Variants in SF3A2 observed in about 807,000 individuals in gnomAD.
SF3A2 encodes splicing factor 3a subunit 2.
A neutral mutation model predicts 31.1 loss-of-function variants in SF3A2; 5 were observed. The observed-to-expected ratio is 0.16, with a 90% CI of 0.08 to 0.34. The LOEUF (loss-of-function observed/expected upper bound fraction) is 0.34, where lower values mean the gene tolerates loss of function less well. Among genes scored for constraint, SF3A2 ranks in the 10% least tolerant of loss-of-function variants. The pLI, the probability that SF3A2 is intolerant of heterozygous loss-of-function variation, is 1.00. For missense variants in SF3A2, 577 were observed against 643.9 expected, an observed-to-expected ratio of 0.90 and a Z score of 1.13; for synonymous variants, 365 against 263.7, an observed-to-expected ratio of 1.38 and a Z score of -3.72.
chr19:2,240,230 C>T lies in SF3A2; in HGVS notation c.-37-3152C>T, dbSNP rs73516540. ...TGGGCCGCCTGCCACCTGAGCTGTG[C>T]GGAGGAACCGCCAGACTTCCCGCTG... On this transcript the variant is annotated intron_variant, in intron 1 of 8. Coordinates refer to ENST00000221494, the MANE Select transcript of SF3A2 (RefSeq NM_007165.5). Among the ~76,000 whole-genome samples, 783 of 152,290 alleles carry T rather than the reference C, an allele frequency of 5.1e-3. 3 individuals are homozygous for T. Among genetic ancestry groups the T allele is most frequent in the African/African-American group, 0.018 (737 of 41,570 alleles).
At chr19:2,237,631 C>T (rs1032257095) in intron 1 of SF3A2, 1 of 152,164 alleles carries the variant, frequency 6.6e-6, no homozygotes, top group Non-Finnish European at 1.5e-5. Flanking sequence ...GAATCGGGAT[C>T]GCGGCTGAAA....
At chr19:2,237,605 A>C (rs1319658812) in intron 1 of SF3A2, 2 of 152,148 alleles carry the variant, frequency 1.3e-5, no homozygotes, top group Non-Finnish European at 2.9e-5. Context: ...AGAAACAACC[A>C]AGATTCGTTG....
Position 2,238,446 on chromosome 19 carries a change from T to G in SF3A2, c.-38+1545T>G, listed in dbSNP as rs150052432. ...AATTTGTAGACATCATCTGCTGATT[T>G]CTTGTCACGGCTGTTGAGATCTTCT... On this transcript the variant is annotated intron_variant, in intron 1 of 8. Coordinates refer to ENST00000221494, the MANE Select transcript of SF3A2 (RefSeq NM_007165.5). 3.4e-3 allele frequency among the ~76,000 whole-genome samples: 516 copies of G among 152,202 alleles called. 5 individuals carry two copies. Among genetic ancestry groups the G allele is most frequent in the African/African-American group, 9.5e-3 (395 of 41,560 alleles).
Position 2,243,418 on chromosome 19 carries a change from C to G in SF3A2, c.-1C>G, listed in dbSNP as rs749751875. On this transcript the variant is annotated 5_prime_UTR_variant, in exon 2 of 9. Transcript: ENST00000221494. Reference sequence around the variant, plus strand: ...TCTGCTAAAGCCCTAAGGCCATCACCATGGACTTCCAGCATCGCCCCGGGG... The same window carrying G: ...TCTGCTAAAGCCCTAAGGCCATCACGATGGACTTCCAGCATCGCCCCGGGG... 1 of 1,542,316 alleles carries G rather than the reference C, an allele frequency of 6.5e-7. No individual in the cohort carries two copies. The highest frequency in any genetic ancestry group is 8.7e-7 in the Non-Finnish European group (1 of 1,150,934).
At chr19:2,237,150 C>T (rs1164261245) in intron 1 of SF3A2, 4 of 152,116 alleles carry the variant, frequency 2.6e-5, no homozygotes, top group Non-Finnish European at 4.4e-5. Context: ...GCGCGCGGGG[C>T]CTCACGCCTG....
rs753539117 is a variant in SF3A2 at position 2,247,879 on chromosome 19, C to T, written c.728C>T (p.Pro243Leu). ...CCCCCGCTGATGAACGGTCTGCCCC[C>T]TCGGCCACCGCTGCCTGAGTCTTTG... ...PPPPLMNGLP[P>L]RPPLPESLPP... The change falls in exon 9 of 9, where the codon CCT becomes CTT. Residue 243 changes from proline (P) to leucine (L), a missense_variant. By Grantham distance (98) the Pro-to-Leu change is moderately conservative. Coordinates refer to ENST00000221494, the MANE Select transcript of SF3A2 (RefSeq NM_007165.5). 6.4e-7 allele frequency: 1 copy of T among 1,571,660 alleles called. No individual in the cohort carries two copies. The highest frequency in any genetic ancestry group is 8.7e-7 in the Non-Finnish European group (1 of 1,152,710).
chr19:2,243,761 T>C (rs920598953), intron 2 of SF3A2, among the ~76,000 whole-genome samples: 9 of 152,244 alleles, frequency 5.9e-5, no homozygotes, highest in Non-Finnish European at 1.2e-4. Flanking sequence ...TGGACATGTT[T>C]TGTTCTGTCC....
rs1370798598 is a variant in SF3A2 at position 2,245,777 on chromosome 19, AG to A, written c.355+223del. 4 of 576,516 alleles carry A rather than the reference AG, an allele frequency of 6.9e-6. No individual in the cohort carries two copies. The African/African-American group carries it at 7.5e-5, about 11-fold the overall frequency. The allele number at this position is 576,516 out of a possible 1,614,324, so 35.7% of individuals were successfully genotyped here. ...CATCTCACCCAGCAGCCCATTTCCCAGCTGAGCCACAGTCTGTGCCCTCCTG... is the reference window on the plus strand; with the variant it reads ...CATCTCACCCAGCAGCCCATTTCCCACTGAGCCACAGTCTGTGCCCTCCTG... On this transcript the variant is annotated intron_variant, in intron 5 of 8. Coordinates refer to ENST00000221494, the MANE Select transcript of SF3A2 (RefSeq NM_007165.5). This position sits in a 1 kb window ranked among gnomAD's most constrained non-coding sequence, Gnocchi z 4.2.
intron 1 of SF3A2, among the ~76,000 whole-genome samples, chr19:2,241,242 C>T (rs996694002): frequency 6.6e-6 from 1 of 152,118 alleles, no homozygotes; most frequent in South Asian, 2.1e-4. Flanking sequence ...CAGCACCAGG[C>T]CCCTCCTGGG....
chr19:2,248,152 C>T lies in SF3A2; in HGVS notation c.1001C>T (p.Pro334Leu), dbSNP rs2024960972. The change falls in exon 9 of 9, where the codon CCT becomes CTT. Residue 334 changes from proline to leucine, a missense_variant. Physicochemically the swap from Pro to Leu is moderately conservative, Grantham distance 98. Transcript: ENST00000221494. ...ACCTCTGGGGTCCACCCCCCAGCTC[C>T]TGGAGTCCACCCTCCAGCCCCCGGG... Reference protein sequence around the residue: ...PPTSGVHPPAPGVHPPAPGVH... With the variant: ...PPTSGVHPPALGVHPPAPGVH... The T allele has an allele frequency of 2.7e-6, 4 of 1,473,126 alleles. No homozygotes were observed. Among genetic ancestry groups the T allele is most frequent in the Non-Finnish European group, 3.7e-6 (4 of 1,084,798 alleles). 91.3% of individuals were successfully genotyped at this position (1,473,126 alleles called of 1,614,324 possible).
At position 2,247,583 on chromosome 19, in the gene SF3A2, C is replaced by T. The variant is rs778371356; in HGVS notation, c.547-11C>T. On this transcript the variant is annotated splice_polypyrimidine_tract_variant and intron_variant, in intron 7 of 8. Coordinates refer to ENST00000221494, the MANE Select transcript of SF3A2 (RefSeq NM_007165.5). Reference sequence around the variant, plus strand: ...GGGACCAGGAGCCCTCTCTGTCCCCCGCCCTCCCAGGTGCCGAGCAGAGAG... The same window carrying T: ...GGGACCAGGAGCCCTCTCTGTCCCCTGCCCTCCCAGGTGCCGAGCAGAGAG... The T allele has an allele frequency of 5.0e-6, 8 of 1,612,874 alleles. No homozygotes were observed. The highest frequency in any genetic ancestry group is 2.2e-5 in the East Asian group (1 of 44,882).
chr19:2,246,733 G>C lies in SF3A2; in HGVS notation c.356-20G>C. On this transcript the variant is annotated intron_variant, in intron 5 of 8. Transcript: ENST00000221494. The surrounding 1 kb of genome is among the most constrained non-coding windows in gnomAD (Gnocchi z 5.5). ...CGGAGAGGACAAGCAGCCGGGACCT[G>C]AGAGCTTTCTGTGTTGCAGTGACCA... The C allele has an allele frequency of 1.9e-6, 3 of 1,613,856 alleles. No homozygotes were observed. Among genetic ancestry groups the C allele is most frequent in the Non-Finnish European group, 2.5e-6 (3 of 1,179,948 alleles).
At chr19:2,238,633 C>G (rs978064262) in intron 1 of SF3A2, among the ~76,000 whole-genome samples, 1 of 152,212 alleles carries the variant, frequency 6.6e-6, no homozygotes, top group Non-Finnish European at 1.5e-5. Context: ...ACCATTCTAT[C>G]TTCCCTTAAA....
Position 2,244,619 on chromosome 19 carries a change from C to A in SF3A2, c.198+4C>A, listed in dbSNP as rs370286568. 2 of 1,613,682 alleles carry A rather than the reference C, an allele frequency of 1.2e-6. No individual in the cohort carries two copies. Among genetic ancestry groups the A allele is most frequent in the Non-Finnish European group, 1.7e-6 (2 of 1,179,620 alleles). ...CCTGACACTTCACAACAATGAGGTG[C>A]GGCCTCTGCCTGGCTCCGGGCGGCT... is the stretch of plus-strand genomic sequence containing the variant. On this transcript the variant is annotated splice_donor_region_variant and intron_variant, in intron 3 of 8. Transcript: ENST00000221494.
intron 1 of SF3A2, chr19:2,237,843 C>G (rs1202849858): frequency 6.6e-6 from 1 of 152,182 alleles, no homozygotes; most frequent in African/African-American, 2.4e-5. Flanking sequence ...GACCGTTGTT[C>G]TTGTGTATCC....
At chr19:2,241,139 G>A (rs550909145) in intron 1 of SF3A2, among the ~76,000 whole-genome samples, 69 of 152,326 alleles carry the variant, frequency 4.5e-4, no homozygotes, top group African/African-American at 1.6e-3. Context: ...TTCGCATGCT[G>A]TTGAATTCCT....
At chr19:2,237,612 G>T (rs552111004) in intron 1 of SF3A2, 4 of 152,156 alleles carry the variant, frequency 2.6e-5, no homozygotes, top group Non-Finnish European at 5.9e-5. Flanking sequence ...ACCAAGATTC[G>T]TTGGGGTCGA....
intron 1 of SF3A2, among the ~76,000 whole-genome samples, chr19:2,241,740 A>G (rs1334977363): frequency 6.6e-6 from 1 of 152,154 alleles, no homozygotes; most frequent in African/African-American, 2.4e-5. Context: ...CCAGCAAAGG[A>G]CAGTCCTTCT....
At chr19:2,244,923 G>A (rs1412032109) in intron 4 of SF3A2, 144 bp downstream of exon 4, 7 of 724,018 alleles carry the variant, frequency 9.7e-6, no homozygotes, top group Non-Finnish European at 1.2e-5. Flanking sequence ...TTCCTGGGGA[G>A]CATTAGAGAA....
Sources: gnomAD v4.1 joint callset for allele counts (sites outside exome capture counted in the v4.1 genomes callset) on GRCh38, gnomAD v4.1.1 for gene constraint, Gnocchi (gnomAD v3.1) non-coding constraint, MANE v1.5 for transcripts, NCBI Gene and HGNC (gene_info 2026-07-23, HGNC 2026-07-21) for gene names.